The following MLLT10 variants were observed in gnomAD, a reference collection of about 807,000 sequenced individuals.
MLLT10 encodes the protein MLLT10 histone lysine methyltransferase DOT1L cofactor.
MLLT10 carries 30 observed loss-of-function variants against 129.1 expected under a neutral mutation model. That is an observed-to-expected ratio of 0.23 (90% CI 0.17 to 0.32). The LOEUF is 0.32. MLLT10 is among the 10% of genes least tolerant of loss of function. The pLI is 1.00. For synonymous variants in MLLT10, 490 were observed against 446.4 expected, an observed-to-expected ratio of 1.10 and a Z score of -1.23; for missense variants, 1,119 against 1,268.3, an observed-to-expected ratio of 0.88 and a Z score of 1.79.
chr10:21,726,487 T>G (rs1165873900), intron 15 of MLLT10, 132 bp downstream of exon 15: 6 of 537,826 alleles, frequency 1.1e-5, no homozygotes, highest in Admixed American at 3.5e-5. Context: ...AAAAAAATAT[T>G]CACAGTTGGA....
intron 3 of MLLT10, among the ~76,000 whole-genome samples, chr10:21,554,050 C>CTT (rs746191563): frequency 3.7e-4 from 56 of 152,140 alleles, no homozygotes; most frequent in Non-Finnish European, 6.3e-4. Flanking sequence ...GGTGTGCTTG[C>CTT]TTATACTCAT....
intron 3 of MLLT10, among the ~76,000 whole-genome samples, chr10:21,561,343 T>C (rs2038774454): frequency 6.6e-6 from 1 of 151,974 alleles, no homozygotes; most frequent in Non-Finnish European, 1.5e-5. Flanking sequence ...TGGGTGCAAG[T>C]TCTGCCTCCT....
intron 3 of MLLT10, among the ~76,000 whole-genome samples, chr10:21,541,527 A>C (rs556687467): frequency 6.6e-6 from 1 of 152,300 alleles, no homozygotes; most frequent in Admixed American, 6.5e-5. Flanking sequence ...CTGGGACTAC[A>C]GACATGCGCC....
At chr10:21,718,374 T>C (rs138984768) in intron 14 of MLLT10, among the ~76,000 whole-genome samples, 1 of 152,312 alleles carries the variant, frequency 6.6e-6, no homozygotes, top group Admixed American at 6.5e-5. Context: ...TGTAGGAGTG[T>C]CATTAATTTT....
chr10:21,671,056 C>A (rs769956445), intron 10 of MLLT10: 2 of 182,614 alleles, frequency 1.1e-5, no homozygotes, highest in South Asian at 2.2e-4. Flanking sequence ...GACGGAATCT[C>A]GCTCTGTTGC....
intron 2 of MLLT10, among the ~76,000 whole-genome samples, chr10:21,538,143 G>A (rs776647525): frequency 1.7e-3 from 250 of 150,232 alleles, no homozygotes; most frequent in Admixed American, 3.7e-3. Context: ...ACATGCCACC[G>A]TGCCCAGCTA....
Position 21,688,523 on chromosome 10 carries a change from G to A in MLLT10, c.1699+6266G>A, listed in dbSNP as rs1010708689. 3 of 1,612,280 alleles carry A rather than the reference G, an allele frequency of 1.9e-6. No homozygotes were observed. The African/African-American group carries it at 4.0e-5, about 22-fold the overall frequency. Reference sequence around the variant, plus strand: ...TGACAGTTCTACACTAACAAAGCAAGAACTTAAATTCATAGGTATGTACCA... The same window carrying A: ...TGACAGTTCTACACTAACAAAGCAAAAACTTAAATTCATAGGTATGTACCA... On this transcript the variant is annotated intron_variant, in intron 13 of 22. Coordinates refer to ENST00000307729, the MANE Select transcript of MLLT10 (RefSeq NM_001195626.3).
chr10:21,631,932 GTTT>G (rs35117253), intron 8 of MLLT10, among the ~76,000 whole-genome samples: 4 of 132,232 alleles, frequency 3.0e-5, no homozygotes, highest in Non-Finnish European at 3.2e-5. Context: ...TTTTTTTTTG[GTTT>G]TTTTTTTTTT....
intron 3 of MLLT10, 121 bp downstream of exon 3, chr10:21,539,033 T>G: frequency 1.6e-6 from 1 of 617,186 alleles, no homozygotes; most frequent in Non-Finnish European, 2.8e-6. Flanking sequence ...ATGTAAGAGA[T>G]AATTTAGGCC....
Position 21,617,215 on chromosome 10 carries a change from G to A in MLLT10, c.699+8G>A. The A allele has an allele frequency of 6.8e-7, 1 of 1,472,716 alleles. No homozygotes were observed. Among genetic ancestry groups the A allele is most frequent in the South Asian group, 1.5e-5 (1 of 66,728 alleles). The allele number at this position is 1,472,716 out of a possible 1,614,324, so 91.2% of individuals were successfully genotyped here. ...CATGAGAAAGAGAAAAAAGTAAGTG[G>A]ATTTGTTGTTGCTAAATTTGTAGCA... On this transcript the variant is annotated splice_region_variant and intron_variant, in intron 8 of 22. Transcript: ENST00000307729.
In MLLT10 at chr10:21,673,749, A is replaced by G; in HGVS notation, c.1451A>G (p.Asn484Ser). The change falls in exon 11 of 23, where the codon AAC (asparagine) becomes AGC (serine). Residue 484 changes from asparagine (N) to serine (S), a missense_variant. By Grantham distance (46) the Asn-to-Ser change is conservative. Transcript: ENST00000307729. ...SKHGPGRPKGNKNQENVSHLS... is the reference protein window; with the variant it reads ...SKHGPGRPKGSKNQENVSHLS... ...CATGGGCCTGGCAGACCCAAAGGAA[A>G]CAAAAATCAAGAGAATGTTTCTCAT... 3.1e-6 allele frequency: 5 copies of G among 1,614,170 alleles called. No individual in the cohort carries two copies. The highest frequency in any genetic ancestry group is 4.2e-6 in the Non-Finnish European group (5 of 1,180,020).
At chr10:21,592,371 T>C (rs956162355) in intron 4 of MLLT10, among the ~76,000 whole-genome samples, 4 of 152,178 alleles carry the variant, frequency 2.6e-5, no homozygotes, top group African/African-American at 7.2e-5. Context: ...TATTTAGTTA[T>C]CTAGTTTTTC....
At chr10:21,633,002 C>G (rs2047143009) in intron 8 of MLLT10, among the ~76,000 whole-genome samples, 1 of 152,110 alleles carries the variant, frequency 6.6e-6, no homozygotes, top group Admixed American at 6.5e-5. Flanking sequence ...CCTTTTAACT[C>G]TTTCAGGTGT....
chr10:21,602,978 T>C (rs555821558), intron 5 of MLLT10, among the ~76,000 whole-genome samples: 13 of 152,136 alleles, frequency 8.5e-5, no homozygotes, highest in African/African-American at 3.1e-4. Context: ...GTGATCCACC[T>C]GCCTCGGCCT....
intron 3 of MLLT10, among the ~76,000 whole-genome samples, chr10:21,584,095 C>T (rs1037208966): frequency 6.6e-6 from 1 of 151,494 alleles, no homozygotes; most frequent in African/African-American, 2.4e-5. Flanking sequence ...GTCTCGATCT[C>T]CTGACCCCGT....
chr10:21,704,860 T>G (rs2055341001), intron 13 of MLLT10, among the ~76,000 whole-genome samples: 1 of 152,098 alleles, frequency 6.6e-6, no homozygotes. Context: ...TTCTCAGTGG[T>G]TTAGGGTGCA....
chr10:21,662,913 A>G (rs1314637452), intron 9 of MLLT10, among the ~76,000 whole-genome samples: 1 of 151,990 alleles, frequency 6.6e-6, no homozygotes, highest in Non-Finnish European at 1.5e-5. Context: ...GGGGCTTCTT[A>G]GTTATTTTTT....
chr10:21,622,878 C>T (rs1373284897), intron 8 of MLLT10, among the ~76,000 whole-genome samples: 2 of 152,192 alleles, frequency 1.3e-5, no homozygotes, highest in Admixed American at 1.3e-4. Context: ...CAGATTGTCA[C>T]CTGTACTTTT....
At chr10:21,670,000 T>A (rs947072057) in intron 9 of MLLT10, among the ~76,000 whole-genome samples, 2 of 152,170 alleles carry the variant, frequency 1.3e-5, no homozygotes, top group Non-Finnish European at 2.9e-5. Flanking sequence ...TATAAACTCA[T>A]GGATATGGTC....
Sources: allele counts gnomAD v4.1 joint callset (sites outside exome capture counted in the v4.1 genomes callset), GRCh38; gene constraint gnomAD v4.1.1; transcripts MANE v1.5; gene names NCBI Gene and HGNC (gene_info 2026-07-23, HGNC 2026-07-21).